Variants in CLMN observed in about 807,000 individuals in gnomAD.
CLMN encodes calmin (calponin-like, transmembrane).
Under a neutral mutation model 92.7 loss-of-function variants are expected in CLMN, and 57 were observed. The observed-to-expected ratio is 0.61, with a 90% CI of 0.50 to 0.77. The LOEUF (loss-of-function observed/expected upper bound fraction) is 0.77. Among genes scored for constraint, CLMN ranks in the 30% least tolerant of loss-of-function variants. CLMN has a pLI of 0.00. For missense variants in CLMN, 1,158 were observed against 1,237.5 expected (o/e 0.94, Z 0.96); for synonymous variants, 466 against 470.6 (o/e 0.99, Z 0.13).
At chr14:95,201,033 T>C (rs2983319) in intron 9 of CLMN, among the ~76,000 whole-genome samples, 12,692 of 148,438 alleles carry the variant, frequency 0.086, 901 homozygotes, top group East Asian at 0.41. Flanking sequence ...AGGGGAGGGA[T>C]AGCATTAGGA....
chr14:95,300,683 A>G (rs1901011572), intron 1 of CLMN, among the ~76,000 whole-genome samples: 1 of 152,184 alleles, frequency 6.6e-6, no homozygotes, highest in Non-Finnish European at 1.5e-5. Context: ...ATTTCCACTT[A>G]AAAACACTAC....
At position 95,261,112 on chromosome 14, in the gene CLMN, G is replaced by A. The variant is rs377155001; in HGVS notation, c.83-30979C>T. Among the ~76,000 whole-genome samples, 46 of 151,478 alleles carry A rather than the reference G, an allele frequency of 3.0e-4. No homozygotes were observed. The East Asian group carries it at 7.0e-3, about 23-fold the overall frequency. On this transcript the variant is annotated intron_variant, in intron 1 of 12. Coordinates refer to ENST00000298912, the MANE Select transcript of CLMN (RefSeq NM_024734.4). ...CACATGTATTTTCTCCGCAAGGAAC[G>A]TCAGAGCCTTTCTGCACTTCCGGAC...
At position 95,256,159 on chromosome 14, in the gene CLMN, G is replaced by A. The variant is rs1898990190; in HGVS notation, c.83-26026C>T. On this transcript the variant is annotated intron_variant, in intron 1 of 12. Transcript: ENST00000298912. The surrounding 1 kb of genome is among the most constrained non-coding windows in gnomAD (Gnocchi z 4.9). ...GGCTACAGGGTAGTTACATGGGTGG[G>A]CATATGGGGTACAATGCCCCCACAC... Among the ~76,000 whole-genome samples, 1 of 152,152 alleles carries A rather than the reference G, an allele frequency of 6.6e-6. No homozygotes were observed. Among genetic ancestry groups the A allele is most frequent in the African/African-American group, 2.4e-5 (1 of 41,422 alleles).
chr14:95,227,496 G>A (rs572088991), intron 2 of CLMN, among the ~76,000 whole-genome samples: 1 of 152,318 alleles, frequency 6.6e-6, no homozygotes, highest in South Asian at 2.1e-4. Context: ...AGACCCGAAC[G>A]GAATACCCCC....
Position 95,269,081 on chromosome 14 carries a change from G to T in CLMN, c.83-38948C>A, listed in dbSNP as rs141726465. ...CTCCCAAAGTGCTGGGATTACAGGCGTGAGCCACCGCACTTGGCTATGTCT... is the reference window on the plus strand; with the variant it reads ...CTCCCAAAGTGCTGGGATTACAGGCTTGAGCCACCGCACTTGGCTATGTCT... On this transcript the variant is annotated intron_variant, in intron 1 of 12. Coordinates refer to ENST00000298912, the MANE Select transcript of CLMN (RefSeq NM_024734.4). 9.7e-4 allele frequency among the ~76,000 whole-genome samples: 147 copies of T among 152,058 alleles called. 3 individuals carry two copies. The East Asian group carries it at 0.026, about 27-fold the overall frequency.
At chr14:95,225,522 G>T (rs72710124) in intron 2 of CLMN, among the ~76,000 whole-genome samples, 32,207 of 152,204 alleles carry the variant, frequency 0.21, 4,280 homozygotes, top group Non-Finnish European at 0.31. Context: ...CATCCTGCCT[G>T]CAGAGCCTTG....
chr14:95,311,561 C>T (rs1242090703), intron 1 of CLMN, among the ~76,000 whole-genome samples: 1 of 152,186 alleles, frequency 6.6e-6, no homozygotes, highest in Non-Finnish European at 1.5e-5. Context: ...TTTTCTGTGC[C>T]TTGGGGACAC....
chr14:95,228,931 T>A (rs977878796), intron 2 of CLMN, among the ~76,000 whole-genome samples: 5 of 152,170 alleles, frequency 3.3e-5, no homozygotes, highest in Non-Finnish European at 5.9e-5. Flanking sequence ...TGCCTCAGCC[T>A]CCCAAAGCAC....
At chr14:95,317,482 C>A (rs1199432252) in intron 1 of CLMN, among the ~76,000 whole-genome samples, 10 of 151,994 alleles carry the variant, frequency 6.6e-5, no homozygotes, top group Admixed American at 6.6e-4. Flanking sequence ...AAAGGTCCCT[C>A]AACAGGTGAA....
chr14:95,242,851 G>A (rs182300839), intron 1 of CLMN, among the ~76,000 whole-genome samples: 47 of 152,314 alleles, frequency 3.1e-4, no homozygotes, highest in Non-Finnish European at 6.0e-4. Flanking sequence ...ACAGGCATGA[G>A]CCACCACGCC....
At chr14:95,280,891 T>C (rs1900120849) in intron 1 of CLMN, among the ~76,000 whole-genome samples, 1 of 152,220 alleles carries the variant, frequency 6.6e-6, no homozygotes, top group African/African-American at 2.4e-5. Flanking sequence ...GTAACCAAAT[T>C]TCCTTGTAAA....
At chr14:95,249,200 A>G (rs923028082) in intron 1 of CLMN, among the ~76,000 whole-genome samples, 6 of 152,350 alleles carry the variant, frequency 3.9e-5, no homozygotes, top group East Asian at 3.9e-4. Flanking sequence ...TAGTGGACAC[A>G]GCTGGCTGCC....
intron 2 of CLMN, among the ~76,000 whole-genome samples, chr14:95,226,181 G>A: frequency 6.6e-6 from 1 of 152,148 alleles, no homozygotes; most frequent in East Asian, 1.9e-4. Context: ...ATCTGCAGAT[G>A]CTCAAGTCCC....
chr14:95,316,017 A>T (rs1344727700), intron 1 of CLMN, among the ~76,000 whole-genome samples: 1 of 152,168 alleles, frequency 6.6e-6, no homozygotes, highest in Non-Finnish European at 1.5e-5. Context: ...CCAACAGTAC[A>T]GTGACCCCCA....
At chr14:95,204,678 T>C (rs1896998672) in intron 8 of CLMN, among the ~76,000 whole-genome samples, 2 of 152,154 alleles carry the variant, frequency 1.3e-5, no homozygotes, top group Admixed American at 1.3e-4. Context: ...CCTGCTGAAA[T>C]ATGAAAACAT....
chr14:95,313,101 G>A (rs1452997104), intron 1 of CLMN, among the ~76,000 whole-genome samples: 1 of 152,210 alleles, frequency 6.6e-6, no homozygotes, highest in African/African-American at 2.4e-5. Context: ...AGCTACTCGA[G>A]AGGCTAAAGC....
At chr14:95,198,580 C>T (rs1896790884) in intron 9 of CLMN, among the ~76,000 whole-genome samples, 1 of 152,006 alleles carries the variant, frequency 6.6e-6, no homozygotes, top group Non-Finnish European at 1.5e-5. Flanking sequence ...AGGCAGCGGA[C>T]CGGAGCCAAG....
chr14:95,255,389 C>A (rs542320842), intron 1 of CLMN, among the ~76,000 whole-genome samples: 20 of 152,256 alleles, frequency 1.3e-4, no homozygotes, highest in Non-Finnish European at 5.9e-5. Flanking sequence ...AGAACATTCA[C>A]CTGACTTTCA....
chr14:95,207,154 T>C (rs898474348), intron 8 of CLMN, among the ~76,000 whole-genome samples: 6 of 152,232 alleles, frequency 3.9e-5, no homozygotes, highest in African/African-American at 1.4e-4. Context: ...AAAACGTGTA[T>C]ACATTGTAAA....
Sources: gnomAD v4.1 joint callset for allele counts (sites outside exome capture counted in the v4.1 genomes callset) on GRCh38, gnomAD v4.1.1 for gene constraint, Gnocchi (gnomAD v3.1) non-coding constraint, MANE v1.5 for transcripts, NCBI Gene and HGNC (gene_info 2026-07-23, HGNC 2026-07-21) for gene names.